The following ZNF804B variants were observed in gnomAD, a reference collection of about 807,000 sequenced individuals.
ZNF804B encodes zinc finger 804B.
In ZNF804B, 80 loss-of-function variants were observed where a neutral mutation model predicts 101.4. That is an observed-to-expected ratio of 0.79 (90% CI 0.66 to 0.95). The LOEUF (loss-of-function observed/expected upper bound fraction) is 0.95, where lower values mean the gene tolerates loss of function less well. Among genes scored for constraint, ZNF804B ranks in the 40% least tolerant of loss-of-function variants. The probability of loss-of-function intolerance (pLI) is 0.00; values close to 1 mark genes in which losing one functional copy is unlikely to be tolerated. For synonymous variants in ZNF804B, 622 were observed against 558.8 expected (o/e 1.11, Z -1.59); for missense variants, 1,673 against 1,561.9 (o/e 1.07, Z -1.20).
At chr7:89,199,075 G>T (rs2115643241) in intron 1 of ZNF804B, among the ~76,000 whole-genome samples, 1 of 151,948 alleles carries the variant, frequency 6.6e-6, no homozygotes. Context: ...CTCTTAGTTT[G>T]CAGCACAAAG....
At chr7:88,772,828 C>T (rs1790088627) in intron 1 of ZNF804B, among the ~76,000 whole-genome samples, 1 of 152,078 alleles carries the variant, frequency 6.6e-6, no homozygotes, top group Non-Finnish European at 1.5e-5. Flanking sequence ...CTATGATATC[C>T]TTTGTTCAAA....
intron 1 of ZNF804B, among the ~76,000 whole-genome samples, chr7:88,766,889 G>A (rs143570581): frequency 4.6e-5 from 7 of 151,558 alleles, no homozygotes; most frequent in African/African-American, 1.5e-4. Context: ...GTATAATTAG[G>A]ACTGCCAGTT....
In ZNF804B at chr7:88,780,287, T is replaced by G. The variant is rs147648465; in HGVS notation, c.108+20203T>G. ...GGAGGTTCCTCAAAAAACTAAAAATTAGAGACATACTCATATCTTCAGCAG... is the reference window on the plus strand; with the variant it reads ...GGAGGTTCCTCAAAAAACTAAAAATGAGAGACATACTCATATCTTCAGCAG... On this transcript the variant is annotated intron_variant, in intron 1 of 3. Coordinates refer to ENST00000333190, the MANE Select transcript of ZNF804B (RefSeq NM_181646.5). 1.9e-3 allele frequency among the ~76,000 whole-genome samples: 295 copies of G among 152,130 alleles called. 1 individual carries two copies. Among genetic ancestry groups the G allele is most frequent in the African/African-American group, 6.8e-3 (284 of 41,514 alleles).
intron 1 of ZNF804B, among the ~76,000 whole-genome samples, chr7:88,768,871 G>T: frequency 6.6e-6 from 1 of 152,232 alleles, no homozygotes; most frequent in East Asian, 1.9e-4. Flanking sequence ...AGGCCCTGGA[G>T]TTAAACCTCC....
intron 1 of ZNF804B, among the ~76,000 whole-genome samples, chr7:89,057,616 G>A (rs1044901922): frequency 6.6e-6 from 1 of 152,126 alleles, no homozygotes. Flanking sequence ...TCGATGTCCA[G>A]TGTAATAAAG....
intron 1 of ZNF804B, among the ~76,000 whole-genome samples, chr7:89,214,296 C>T (rs1321540771): frequency 1.3e-5 from 2 of 151,850 alleles, no homozygotes; most frequent in Non-Finnish European, 2.9e-5. Context: ...CATTTTTTTT[C>T]TGTCAGATAA....
At position 88,776,555 on chromosome 7, in the gene ZNF804B, G is replaced by GT. The variant is rs10630362; in HGVS notation, c.108+16475dup. ...TAGTGGCTTTTCTATTTCTCGTGGT[G>GT]TTTTGTTTTTTTTTTTTTTTTTTTT... is the stretch of plus-strand genomic sequence containing the variant. On this transcript the variant is annotated intron_variant, in intron 1 of 3. Transcript: ENST00000333190. 3.1e-3 allele frequency among the ~76,000 whole-genome samples: 332 copies of GT among 106,442 alleles called. 13 individuals are homozygous for GT. Among genetic ancestry groups the GT allele is most frequent in the African/African-American group, 5.7e-3 (173 of 30,502 alleles). The allele number at this position is 106,442 out of a possible 152,430, so 69.8% of individuals were successfully genotyped here. A position where few individuals can be genotyped will look rare whatever the true frequency, so the allele number is the denominator to read the frequency against.
At chr7:89,255,811 A>G (rs1179783480) in intron 2 of ZNF804B, among the ~76,000 whole-genome samples, 1 of 152,208 alleles carries the variant, frequency 6.6e-6, no homozygotes, top group Non-Finnish European at 1.5e-5. Flanking sequence ...TCTAATATTT[A>G]CAACTGTCAG....
chr7:89,067,415 A>T (rs1204392437), intron 1 of ZNF804B, among the ~76,000 whole-genome samples: 1 of 152,192 alleles, frequency 6.6e-6, no homozygotes, highest in African/African-American at 2.4e-5. Flanking sequence ...GACTTTCATT[A>T]TATATGTACA....
chr7:89,244,711 C>T (rs1008472402), intron 2 of ZNF804B, among the ~76,000 whole-genome samples: 6 of 152,024 alleles, frequency 3.9e-5, no homozygotes, highest in African/African-American at 1.2e-4. Flanking sequence ...AGATAAACCC[C>T]GGACATAAGG....
intron 1 of ZNF804B, among the ~76,000 whole-genome samples, chr7:88,843,880 G>A (rs545893328): frequency 2.0e-4 from 30 of 152,022 alleles, no homozygotes; most frequent in African/African-American, 3.9e-4. Flanking sequence ...TATTGATGCC[G>A]TTCATCGATC....
rs781202005 is a variant in ZNF804B, at chr7:89,333,526, C to T, written c.544C>T (p.Arg182Trp). 15 of 1,613,284 alleles carry T rather than the reference C, an allele frequency of 9.3e-6. No homozygotes were observed. The highest frequency in any genetic ancestry group is 4.0e-5 in the African/African-American group (3 of 74,860). Residue 182 changes from arginine to tryptophan, a missense_variant, in exon 4 of 4, where the codon CGG (arginine) becomes TGG (tryptophan). Arg to Trp is a moderately radical substitution (Grantham distance 101). Transcript: ENST00000333190. ...CCCCAGAATCATATCCGATAAACAG[C>T]GGTCCACCATGCCAAATCGACACCA... Reference protein sequence around the residue: ...NLPRIISDKQRSTMPNRHQLQ... With the variant: ...NLPRIISDKQWSTMPNRHQLQ...
chr7:88,794,761 T>C, intron 1 of ZNF804B: 1 of 1,613,618 alleles, frequency 6.2e-7, no homozygotes, highest in South Asian at 1.1e-5. Flanking sequence ...ATCTTTTCTT[T>C]CTACATTTGC....
intron 1 of ZNF804B, among the ~76,000 whole-genome samples, chr7:89,047,893 C>CT (rs10569115): frequency 9.3e-5 from 14 of 150,678 alleles, no homozygotes; most frequent in Middle Eastern, 6.9e-3. Context: ...TGGCTAAATC[C>CT]TTTTTTTTTT....
intron 1 of ZNF804B, among the ~76,000 whole-genome samples, chr7:88,933,220 A>G (rs1792916102): frequency 6.6e-6 from 1 of 152,022 alleles, no homozygotes; most frequent in Non-Finnish European, 1.5e-5. Context: ...ATAGATGCAG[A>G]AAAAGCATTT....
chr7:88,786,261 G>A (rs1215252393), intron 1 of ZNF804B, among the ~76,000 whole-genome samples: 2 of 152,234 alleles, frequency 1.3e-5, no homozygotes, highest in South Asian at 2.1e-4. Context: ...TAGAGTAGAT[G>A]CTATACCAGT....
chr7:89,025,984 C>T (rs1004952348), intron 1 of ZNF804B, among the ~76,000 whole-genome samples: 1 of 151,924 alleles, frequency 6.6e-6, no homozygotes, highest in Non-Finnish European at 1.5e-5. Flanking sequence ...ATTAACTGGC[C>T]CCTATCTACC....
chr7:88,771,419 T>C (rs1790059250), intron 1 of ZNF804B, among the ~76,000 whole-genome samples: 1 of 152,106 alleles, frequency 6.6e-6, no homozygotes, highest in Non-Finnish European at 1.5e-5. Context: ...ATGCCACGAA[T>C]GTGAACAGAG....
chr7:89,037,496 A>G (rs1265545853), intron 1 of ZNF804B, among the ~76,000 whole-genome samples: 3 of 151,750 alleles, frequency 2.0e-5, no homozygotes, highest in African/African-American at 4.8e-5. Flanking sequence ...ATTTATTTTT[A>G]CCTAGCCTTA....
Sources: allele counts gnomAD v4.1 joint callset (sites outside exome capture counted in the v4.1 genomes callset), GRCh38; gene constraint gnomAD v4.1.1; transcripts MANE v1.5; gene names NCBI Gene and HGNC (gene_info 2026-07-23, HGNC 2026-07-21).